The following FSTL5 variants were observed in gnomAD, a reference collection of about 807,000 sequenced individuals.
The protein encoded by FSTL5 is follistatin-related protein 5.
A neutral mutation model predicts 89.1 loss-of-function variants in FSTL5; 62 were observed. The ratio of observed to expected loss-of-function variants is 0.70; its 90% confidence interval spans 0.57 to 0.86. FSTL5 has a LOEUF of 0.86. Ranked by LOEUF, FSTL5 falls within the 40% of genes least tolerant of loss-of-function variation. The pLI, the probability that FSTL5 is intolerant of heterozygous loss-of-function variation, is 0.00. For missense variants in FSTL5, 1,057 were observed against 1,001.6 expected (o/e 1.06, Z -0.75); for synonymous variants, 383 against 346.2 (o/e 1.11, Z -1.18).
At chr4:161,937,764 A>G (rs1734471649) in intron 3 of FSTL5, among the ~76,000 whole-genome samples, 1 of 152,176 alleles carries the variant, frequency 6.6e-6, no homozygotes, top group South Asian at 2.1e-4. Flanking sequence ...GCTCCTCAGC[A>G]CTGGAGGTAA....
At chr4:161,476,017 T>C (rs1734123058) in intron 13 of FSTL5, among the ~76,000 whole-genome samples, 1 of 151,970 alleles carries the variant, frequency 6.6e-6, no homozygotes, top group African/African-American at 2.4e-5. Flanking sequence ...CCTCCCAAAA[T>C]GCTGGGATTA....
At chr4:161,719,782 T>C (rs573203011) in intron 6 of FSTL5, among the ~76,000 whole-genome samples, 2 of 152,308 alleles carry the variant, frequency 1.3e-5, no homozygotes, top group African/African-American at 2.4e-5. Flanking sequence ...TGTATTGTAA[T>C]GCAAACAATT....
chr4:161,569,750 AACACACAAACACAC>A (rs370730801), intron 8 of FSTL5, among the ~76,000 whole-genome samples: 24,973 of 103,226 alleles, frequency 0.24, 2,201 homozygotes, highest in Non-Finnish European at 0.28. Context: ...CTTTAAGTCC[AACACACAAACACAC>A]ACACACACAC....
At chr4:161,595,446 T>C (rs144653426) in intron 7 of FSTL5, among the ~76,000 whole-genome samples, 6 of 152,184 alleles carry the variant, frequency 3.9e-5, no homozygotes, top group Non-Finnish European at 7.4e-5. Flanking sequence ...CCTTAAGGCA[T>C]TGATGTCTGG....
chr4:161,671,840 C>G (rs1737125067), intron 6 of FSTL5, among the ~76,000 whole-genome samples: 1 of 152,108 alleles, frequency 6.6e-6, no homozygotes, highest in Admixed American at 6.6e-5. Flanking sequence ...TAGCATCCTA[C>G]CAGGTCTGAC....
chr4:161,530,676 TTATAA>T (rs1478027738), intron 10 of FSTL5, among the ~76,000 whole-genome samples: 4 of 152,006 alleles, frequency 2.6e-5, no homozygotes, highest in African/African-American at 4.8e-5. Context: ...TAAAATTCTA[TTATAA>T]TATATTTAGA....
At chr4:161,831,349 T>C (rs539267392) in intron 4 of FSTL5, among the ~76,000 whole-genome samples, 1 of 152,064 alleles carries the variant, frequency 6.6e-6, no homozygotes, top group Non-Finnish European at 1.5e-5. Context: ...ATATGAAACA[T>C]ACCTCTAATT....
chr4:161,850,058 T>C, intron 4 of FSTL5, among the ~76,000 whole-genome samples: 1 of 152,316 alleles, frequency 6.6e-6, no homozygotes. Context: ...TGAAAGATGG[T>C]ACAGTATTTA....
chr4:161,497,192 T>C (rs1730115445), intron 12 of FSTL5, among the ~76,000 whole-genome samples: 1 of 152,132 alleles, frequency 6.6e-6, no homozygotes, highest in South Asian at 2.1e-4. Flanking sequence ...ATGACAGTAT[T>C]TGTGTATATA....
intron 12 of FSTL5, among the ~76,000 whole-genome samples, chr4:161,496,588 C>T (rs555611535): frequency 2.6e-4 from 40 of 152,226 alleles, no homozygotes; most frequent in African/African-American, 8.4e-4. Flanking sequence ...TTCAAGACTA[C>T]GACTTCAACT....
chr4:161,756,059 T>G (rs1374812724), intron 6 of FSTL5, among the ~76,000 whole-genome samples: 1 of 152,066 alleles, frequency 6.6e-6, no homozygotes, highest in Admixed American at 6.5e-5. Context: ...GATCATTATA[T>G]AGCTTGACGC....
chr4:161,920,905 T>C (rs538703676), intron 3 of FSTL5, among the ~76,000 whole-genome samples: 1 of 152,224 alleles, frequency 6.6e-6, no homozygotes, highest in South Asian at 2.1e-4. Flanking sequence ...GTGTAGTGCT[T>C]AATGACAAGG....
Position 161,690,258 on chromosome 4 carries a change from G to A in FSTL5, c.728-33764C>T, listed in dbSNP as rs146435036. Among the ~76,000 whole-genome samples the A allele has an allele frequency of 4.0e-3, 613 of 152,084 alleles. 3 individuals carry two copies. Among genetic ancestry groups the A allele is most frequent in the African/African-American group, 0.014 (585 of 41,522 alleles). Reference sequence around the variant, plus strand: ...TAGGGTTCCAATTTTCTACCTCCTTGTCTATACCTGTTATGTTTTCATCTT... The same window carrying A: ...TAGGGTTCCAATTTTCTACCTCCTTATCTATACCTGTTATGTTTTCATCTT... On this transcript the variant is annotated intron_variant, in intron 6 of 15. Transcript: ENST00000306100.
At chr4:161,871,037 CATA>C (rs1419196193) in intron 4 of FSTL5, among the ~76,000 whole-genome samples, 1 of 152,066 alleles carries the variant, frequency 6.6e-6, no homozygotes, top group Non-Finnish European at 1.5e-5. Flanking sequence ...ATACTACTTT[CATA>C]ATATTTTTTT....
At chr4:161,962,796 T>C (rs1410919904) in intron 3 of FSTL5, among the ~76,000 whole-genome samples, 1 of 151,980 alleles carries the variant, frequency 6.6e-6, no homozygotes, top group Non-Finnish European at 1.5e-5. Flanking sequence ...CTAATTGAAG[T>C]TTCAGGCATG....
chr4:161,874,697 C>A (rs1050698108), intron 4 of FSTL5, among the ~76,000 whole-genome samples: 1 of 150,162 alleles, frequency 6.7e-6, no homozygotes, highest in Non-Finnish European at 1.5e-5. Context: ...ATCTTCTTTT[C>A]GGCTGCGTTT....
chr4:161,433,265 A>C (rs969556685), intron 15 of FSTL5, among the ~76,000 whole-genome samples: 1 of 152,222 alleles, frequency 6.6e-6, no homozygotes, highest in South Asian at 2.1e-4. Context: ...ATGTAAATCA[A>C]TCACTGTGAT....
At chr4:161,767,073 G>A (rs1295408050) in intron 5 of FSTL5, among the ~76,000 whole-genome samples, 1 of 152,042 alleles carries the variant, frequency 6.6e-6, no homozygotes, top group African/African-American at 2.4e-5. Flanking sequence ...TATTCCCAGT[G>A]ACTTAAATAA....
chr4:161,759,639 A>G, intron 5 of FSTL5, 108 bp from the exon 6 acceptor site: 1 of 670,248 alleles, frequency 1.5e-6, no homozygotes, highest in African/African-American at 1.9e-5. Flanking sequence ...TGTCTGCAGC[A>G]GGGCAAAAAA....
Sources: gnomAD v4.1 joint callset for allele counts (sites outside exome capture counted in the v4.1 genomes callset) on GRCh38, gnomAD v4.1.1 for gene constraint, MANE v1.5 for transcripts, NCBI Gene and HGNC (gene_info 2026-07-23, HGNC 2026-07-21) for gene names.